The following WSCD2 variants were observed in gnomAD, a reference collection of about 807,000 sequenced individuals.
The protein encoded by WSCD2 is sialate:O-sulfotransferase 2.
A neutral mutation model predicts 55.7 loss-of-function variants in WSCD2; 28 were observed. The ratio of observed to expected loss-of-function variants is 0.50; its 90% CI spans 0.37 to 0.69. WSCD2 has a LOEUF of 0.69. Ranked by LOEUF, WSCD2 falls within the 30% of genes least tolerant of loss-of-function variation. WSCD2 has a pLI of 0.00. For synonymous variants in WSCD2, 301 were observed against 301.9 expected (o/e 1.00, Z 0.03); for missense variants, 616 against 762.1 (o/e 0.81, Z 2.26).
intron 1 of WSCD2, among the ~76,000 whole-genome samples, chr12:108,139,883 C>G (rs1405014231): frequency 3.3e-5 from 5 of 152,160 alleles, no homozygotes; most frequent in African/African-American, 1.2e-4. Context: ...CCTAGCTCAG[C>G]AGTGAAAAGC....
intron 1 of WSCD2, among the ~76,000 whole-genome samples, chr12:108,143,724 G>A (rs1877098375): frequency 6.6e-6 from 1 of 152,210 alleles, no homozygotes; most frequent in Non-Finnish European, 1.5e-5. Context: ...TCCACATCCT[G>A]AAGACTCAAC....
At chr12:108,206,657 T>C (rs139418497) in intron 3 of WSCD2, among the ~76,000 whole-genome samples, 459 of 152,356 alleles carry the variant, frequency 3.0e-3, no homozygotes, top group Non-Finnish European at 5.1e-3. Flanking sequence ...AGGAACAATT[T>C]TGTAGCATAC....
intron 1 of WSCD2, among the ~76,000 whole-genome samples, chr12:108,143,404 A>G (rs540407812): frequency 6.6e-6 from 1 of 152,208 alleles, no homozygotes; most frequent in East Asian, 1.9e-4. Flanking sequence ...TTCCTGAGCC[A>G]CAAAGACCAA....
chr12:108,172,129 G>A (rs1368681519), intron 1 of WSCD2, among the ~76,000 whole-genome samples: 9 of 152,172 alleles, frequency 5.9e-5, no homozygotes, highest in Admixed American at 5.2e-4. Context: ...GACTATGGGA[G>A]AGAAAGGAGT....
intron 1 of WSCD2, among the ~76,000 whole-genome samples, chr12:108,153,425 C>T (rs1020939740): frequency 6.6e-6 from 1 of 152,204 alleles, no homozygotes; most frequent in African/African-American, 2.4e-5. Context: ...TCATTGGTTC[C>T]TAACCTTGGA....
rs71823965 is a variant in WSCD2, at chr12:108,212,613, T to TCACACA, written c.682+2325_682+2330dup. ...ATTTCTCTCTCTCTCTCTCTCTCTCTCACACACACACACACACACACATTC... is the reference window on the plus strand; with the variant it reads ...ATTTCTCTCTCTCTCTCTCTCTCTCTCACACACACACACACACACACACACACATTC... On this transcript the variant is annotated intron_variant, in intron 4 of 8. Coordinates refer to ENST00000547525, the MANE Select transcript of WSCD2 (RefSeq NM_014653.4). 9.4e-5 allele frequency among the ~76,000 whole-genome samples: 13 copies of TCACACA among 138,636 alleles called. No homozygotes were observed. In the East Asian group the frequency reaches 1.5e-3, roughly 16 times the overall value. The allele number at this position is 138,636 out of a possible 152,430, so 91.0% of individuals were successfully genotyped here.
At chr12:108,228,677 A>AG (rs1195414934) in intron 6 of WSCD2, among the ~76,000 whole-genome samples, 1 of 152,238 alleles carries the variant, frequency 6.6e-6, no homozygotes, top group Non-Finnish European at 1.5e-5. Flanking sequence ...ATCTGTCCAG[A>AG]GGAAGGAGTG....
At chr12:108,160,128 G>A (rs1878916086) in intron 1 of WSCD2, among the ~76,000 whole-genome samples, 2 of 152,202 alleles carry the variant, frequency 1.3e-5, no homozygotes, top group Non-Finnish European at 2.9e-5. Flanking sequence ...GCTGCTGAAG[G>A]TGAGCTTCTT....
chr12:108,130,475 GGT>G (rs559546028), intron 1 of WSCD2, among the ~76,000 whole-genome samples: 19,913 of 134,108 alleles, frequency 0.15, 1,507 homozygotes, highest in African/African-American at 0.21. Context: ...TCCATTCTGG[GGT>G]GTGTGTGTGT....
intron 8 of WSCD2, among the ~76,000 whole-genome samples, chr12:108,246,155 A>G (rs879821149): frequency 2.0e-5 from 3 of 152,256 alleles, no homozygotes; most frequent in Admixed American, 2.0e-4. Flanking sequence ...GTGGCCATGA[A>G]CAAGTCACTT....
rs1224668338 is a variant in WSCD2 at position 108,240,432 on chromosome 12, C to T, written c.1233C>T (p.Phe411=). 6.2e-6 allele frequency: 10 copies of T among 1,614,010 alleles called. No individual in the cohort carries two copies. The East Asian group carries it at 2.0e-4, about 32-fold the overall frequency. The stretch of plus-strand genomic sequence containing the variant: ...GCGGCCAGAAAGAGATCGAGGCCTT[C>T]GACGCCGCCATCCTGCTCATCCGCA... The part of the protein sequence containing the change: ...HESGQKEIEA[F]DAAILLIRNP... Residue 411 remains phenylalanine, a synonymous_variant, in exon 8 of 9, where the codon TTC becomes TTT. Coordinates refer to ENST00000547525, the MANE Select transcript of WSCD2 (RefSeq NM_014653.4).
At chr12:108,143,006 G>A (rs984756135) in intron 1 of WSCD2, among the ~76,000 whole-genome samples, 2 of 152,140 alleles carry the variant, frequency 1.3e-5, no homozygotes, top group Non-Finnish European at 2.9e-5. Flanking sequence ...CAGAGATGGA[G>A]TCTCGCTTTG....
intron 1 of WSCD2, among the ~76,000 whole-genome samples, chr12:108,144,991 C>T (rs577517393): frequency 2.0e-5 from 3 of 152,298 alleles, no homozygotes; most frequent in East Asian, 1.9e-4. Flanking sequence ...TCAAGGGAAC[C>T]GGTTTACATT....
chr12:108,156,414 A>T (rs970196712), intron 1 of WSCD2, among the ~76,000 whole-genome samples: 13 of 152,188 alleles, frequency 8.5e-5, no homozygotes, highest in African/African-American at 2.9e-4. Context: ...AAGAATATCC[A>T]TGTACTGGCT....
At chr12:108,246,811 G>C (rs1227741712) in intron 8 of WSCD2, among the ~76,000 whole-genome samples, 1 of 152,132 alleles carries the variant, frequency 6.6e-6, no homozygotes. Flanking sequence ...ACAGACTACA[G>C]AAGTGGGGGG....
chr12:108,207,130 AG>A (rs1885494683), intron 3 of WSCD2, among the ~76,000 whole-genome samples: 1 of 152,162 alleles, frequency 6.6e-6, no homozygotes, highest in African/African-American at 2.4e-5. Flanking sequence ...AAGTCCCCAG[AG>A]GCCTGGTGAA....
chr12:108,192,017 G>A (rs984239682), intron 1 of WSCD2, among the ~76,000 whole-genome samples: 2 of 152,180 alleles, frequency 1.3e-5, no homozygotes, highest in South Asian at 2.1e-4. Context: ...ATGAAAGAAC[G>A]AAGAGGGAAC....
At chr12:108,236,106 T>G (rs1277294059) in intron 7 of WSCD2, among the ~76,000 whole-genome samples, 1 of 152,218 alleles carries the variant, frequency 6.6e-6, no homozygotes, top group Admixed American at 6.5e-5. Flanking sequence ...CGTGCTATCA[T>G]CTGTACAATG....
At chr12:108,176,936 T>C (rs1170472187) in intron 1 of WSCD2, among the ~76,000 whole-genome samples, 3 of 152,098 alleles carry the variant, frequency 2.0e-5, no homozygotes, top group Non-Finnish European at 2.9e-5. Context: ...AAATCAGGTG[T>C]GTGGTGGCAT....
Sources: allele counts gnomAD v4.1 joint callset (sites outside exome capture counted in the v4.1 genomes callset), GRCh38; gene constraint gnomAD v4.1.1; transcripts MANE v1.5; gene names NCBI Gene and HGNC (gene_info 2026-07-23, HGNC 2026-07-21).